The following ZNF695 variants were observed in gnomAD, a reference collection of about 807,000 sequenced individuals.
ZNF695 encodes zinc finger protein SBZF3.
ZNF695 carries 11 observed loss-of-function variants against 11.2 expected under a neutral mutation model. That is an observed-to-expected ratio of 0.98 (90% CI 0.62 to 1.62). ZNF695 has a LOEUF of 1.62. Among genes scored for constraint, ZNF695 ranks in the 40% most tolerant of loss-of-function variants. ZNF695 has a pLI of 0.00. For missense variants in ZNF695, 559 were observed against 590.5 expected (o/e 0.95, Z 0.55); for synonymous variants, 190 against 201.4 (o/e 0.94, Z 0.48).
rs568584236 is a variant in ZNF695 at position 246,948,988 on chromosome 1, G to T, written c.489-3161C>A. 1.6e-4 allele frequency among the ~76,000 whole-genome samples: 24 copies of T among 152,232 alleles called. No homozygotes were observed. In the South Asian group the frequency reaches 4.8e-3, roughly 30 times the overall value. ...GCCAGATATTTAGTAGGTGTCTGAT[G>T]AATATTAGTTTCCTTTTTTGCACTT... On this transcript the variant is annotated intron_variant, in intron 5 of 5. Coordinates refer to the ZNF695 transcript ENST00000487338.
chr1:246,960,428 CAT>C (rs1169009782), intron 5 of ZNF695, among the ~76,000 whole-genome samples: 1 of 152,062 alleles, frequency 6.6e-6, no homozygotes, highest in East Asian at 1.9e-4. Context: ...TGCTGTTTGT[CAT>C]ATATGTAAAA....
chr1:246,995,925 C>A, intron 3 of ZNF695: 2 of 373,780 alleles, frequency 5.4e-6, no homozygotes, highest in Non-Finnish European at 1.0e-5. Context: ...AGAAACAAAC[C>A]TCCACATATA....
chr1:246,995,835 A>G (rs867018121), intron 3 of ZNF695, among the ~76,000 whole-genome samples: 2,058 of 147,964 alleles, frequency 0.014, 57 homozygotes, highest in African/African-American at 0.048. Flanking sequence ...AAAAAAAAAA[A>G]AAGAAGCTGC....
chr1:246,966,015 GGA>G (rs1216163063), intron 5 of ZNF695, among the ~76,000 whole-genome samples: 2 of 151,666 alleles, frequency 1.3e-5, no homozygotes, highest in Non-Finnish European at 2.9e-5. Flanking sequence ...CAGTGAGAGG[GGA>G]CATTTGAGCA....
At chr1:246,976,595 C>T (rs984024088) in intron 4 of ZNF695, among the ~76,000 whole-genome samples, 7 of 151,564 alleles carry the variant, frequency 4.6e-5, no homozygotes, top group African/African-American at 1.5e-4. Context: ...GAGATCGAGA[C>T]CATCCTGGCT....
At chr1:246,999,884 C>T in intron 2 of ZNF695, 28 bp downstream of exon 2, 1 of 1,608,882 alleles carries the variant, frequency 6.2e-7, no homozygotes. Context: ...AGAAAACATT[C>T]TACAAAGGAA....
chr1:246,989,934 G>C (rs147531358), intron 3 of ZNF695, among the ~76,000 whole-genome samples: 170 of 152,262 alleles, frequency 1.1e-3, no homozygotes, highest in Non-Finnish European at 2.2e-3. Context: ...CTGGGAGGCA[G>C]AGGTTGCAGT....
At chr1:246,967,386 G>A (rs1221003262) in intron 5 of ZNF695, 2 of 456,586 alleles carry the variant, frequency 4.4e-6, no homozygotes, top group East Asian at 6.9e-5. Context: ...ACAAGGGTGG[G>A]AGCAGTAGAG....
At chr1:246,974,163 A>C (rs1226585419) in intron 4 of ZNF695, among the ~76,000 whole-genome samples, 1 of 136,632 alleles carries the variant, frequency 7.3e-6, no homozygotes, top group Non-Finnish European at 1.5e-5. Context: ...CAAACAAACA[A>C]AAAAAAACAA....
intron 5 of ZNF695, among the ~76,000 whole-genome samples, chr1:246,949,202 T>G (rs1011492067): frequency 3.9e-5 from 6 of 152,182 alleles, no homozygotes; most frequent in Non-Finnish European, 8.8e-5. Context: ...GTATTTTCTT[T>G]TAAAATTAAT....
chr1:246,963,608 A>G (rs2103007177), intron 5 of ZNF695, among the ~76,000 whole-genome samples: 1 of 152,338 alleles, frequency 6.6e-6, no homozygotes, highest in Non-Finnish European at 1.5e-5. Flanking sequence ...TGGCAGTGCC[A>G]GAGCAGGTGC....
intron 4 of ZNF695, chr1:246,969,159 T>C (rs540180741): frequency 6.6e-6 from 1 of 152,238 alleles, no homozygotes; most frequent in Non-Finnish European, 1.5e-5. Context: ...CCCTTTTAAA[T>C]GTAAGTTCCA....
At chr1:246,976,528 C>A (rs1026301129) in intron 4 of ZNF695, among the ~76,000 whole-genome samples, 19 of 151,942 alleles carry the variant, frequency 1.3e-4, no homozygotes, top group African/African-American at 4.6e-4. Context: ...GGCGCGGTGG[C>A]TCACACCTGT....
intron 3 of ZNF695, among the ~76,000 whole-genome samples, chr1:246,997,579 G>T (rs1206297128): frequency 2.0e-5 from 3 of 151,468 alleles, no homozygotes; most frequent in Non-Finnish European, 4.4e-5. Context: ...AAAATCAATA[G>T]AAATAAAATC....
downstream of ZNF695, among the ~76,000 whole-genome samples, chr1:246,981,407 G>A (rs1168113635): frequency 2.6e-4 from 40 of 152,160 alleles, no homozygotes. Flanking sequence ...AAATCAGTAG[G>A]TTGAGGAGAC....
At chr1:246,988,887 G>A (rs1276484094) in intron 3 of ZNF695, among the ~76,000 whole-genome samples, 5 of 151,784 alleles carry the variant, frequency 3.3e-5, no homozygotes, top group Admixed American at 6.6e-5. Context: ...TCAGGAGATC[G>A]AGACCGTCCT....
intron 5 of ZNF695, among the ~76,000 whole-genome samples, chr1:246,963,655 T>C (rs971191373): frequency 6.6e-6 from 1 of 152,180 alleles, no homozygotes; most frequent in Non-Finnish European, 1.5e-5. Context: ...TTGTGTATAA[T>C]AGGAAAAACC....
At chr1:246,945,661 T>A (rs1667715815), downstream of ZNF695, 1 of 819,022 alleles carries the variant, frequency 1.2e-6, no homozygotes. Context: ...TTCATATTCA[T>A]CAGAAATAGA....
chr1:246,965,217 C>T (rs892286938), intron 5 of ZNF695, among the ~76,000 whole-genome samples: 6 of 151,952 alleles, frequency 3.9e-5, no homozygotes, highest in African/African-American at 7.3e-5. Flanking sequence ...ATTAGCTGGG[C>T]ATGGTGGCGG....
Sources: allele counts gnomAD v4.1 joint callset (sites outside exome capture counted in the v4.1 genomes callset), GRCh38; gene constraint gnomAD v4.1.1; transcripts MANE v1.5; gene names NCBI Gene and HGNC (gene_info 2026-07-23, HGNC 2026-07-21).